SYNPR: variants seen among roughly 807,000 people sequenced by gnomAD.
The protein encoded by SYNPR is synaptoporin.
SYNPR carries 23 observed loss-of-function variants against 32.9 expected under a neutral mutation model. That is an observed-to-expected ratio of 0.70 (90% CI 0.50 to 0.99). The LOEUF (loss-of-function observed/expected upper bound fraction) is 0.99. SYNPR is among the 50% of genes least tolerant of loss of function. The probability of loss-of-function intolerance (pLI) is 0.00; values close to 1 mark genes in which losing one functional copy is unlikely to be tolerated. For synonymous variants in SYNPR, 146 were observed against 135.9 expected (o/e 1.07, Z -0.52); for missense variants, 318 against 349.3 (o/e 0.91, Z 0.71).
At chr3:63,597,148 C>T (rs1847728) in intron 4 of SYNPR, among the ~76,000 whole-genome samples, 27,222 of 151,916 alleles carry the variant, frequency 0.18, 2,650 homozygotes, top group South Asian at 0.33. Context: ...TTACATATGC[C>T]GCTCCTATTT....
chr3:63,346,353 G>A (rs922418064), intron 2 of SYNPR, among the ~76,000 whole-genome samples: 5 of 151,994 alleles, frequency 3.3e-5, no homozygotes, highest in Non-Finnish European at 5.9e-5. Context: ...CACTGTTGAA[G>A]TATGCGCTGT....
At chr3:63,491,926 GT>G (rs898358334) in intron 3 of SYNPR, among the ~76,000 whole-genome samples, 4 of 151,478 alleles carry the variant, frequency 2.6e-5, no homozygotes, top group African/African-American at 9.7e-5. Context: ...GCCCTTTTTT[GT>G]TTTTTTCAAA....
intron 2 of SYNPR, among the ~76,000 whole-genome samples, chr3:63,373,044 GC>G (rs1354495863): frequency 2.0e-5 from 3 of 151,800 alleles, no homozygotes; most frequent in African/African-American, 7.3e-5. Context: ...AAAACCCCCA[GC>G]CCTCTAAAAA....
chr3:63,430,293 A>T (rs1008601167), intron 2 of SYNPR, among the ~76,000 whole-genome samples: 1 of 152,078 alleles, frequency 6.6e-6, no homozygotes, highest in Non-Finnish European at 1.5e-5. Flanking sequence ...ACGTCTTTAC[A>T]TTTTATTTTA....
At chr3:63,282,631 T>C (rs922069228) in intron 2 of SYNPR, among the ~76,000 whole-genome samples, 1 of 149,144 alleles carries the variant, frequency 6.7e-6, no homozygotes, top group Non-Finnish European at 1.5e-5. Context: ...TACAGTGAGC[T>C]GTGGTCACTT....
rs1035262071 is a variant in SYNPR, at chr3:63,278,350, C to CCGGAG, written c.-181_-177dup. The CCGGAG allele has an allele frequency of 7.0e-6, 5 of 714,902 alleles. No individual in the cohort carries two copies. Among genetic ancestry groups the CCGGAG allele is most frequent in the African/African-American group, 5.4e-5 (3 of 55,474 alleles). The allele number at this position is 714,902 out of a possible 1,614,324, so 44.3% of individuals were successfully genotyped here. A position where few individuals can be genotyped will look rare whatever the true frequency, so the allele number is the denominator to read the frequency against. ...TTCGCTTCCCCGACGCGCTGGGTTC[C>CCGGAG]CGGAGCGCAGAGCCCAGCGTTAGCG... On this transcript the variant is annotated 5_prime_UTR_variant, in exon 1 of 6. Coordinates refer to ENST00000478300, the MANE Select transcript of SYNPR (RefSeq NM_001130003.2).
intron 2 of SYNPR, among the ~76,000 whole-genome samples, chr3:63,349,103 C>T (rs2087473602): frequency 6.8e-6 from 1 of 146,984 alleles, no homozygotes. Context: ...ATTTTAACAA[C>T]ATTAATTTTT....
At chr3:63,418,956 G>T (rs78550849) in intron 2 of SYNPR, among the ~76,000 whole-genome samples, 3,532 of 152,310 alleles carry the variant, frequency 0.023, 46 homozygotes, top group African/African-American at 0.026. Flanking sequence ...GTTTAATAGA[G>T]TCTTAATAAT....
At chr3:63,442,165 G>T (rs1370816342) in intron 2 of SYNPR, among the ~76,000 whole-genome samples, 1 of 9,474 alleles carries the variant, frequency 1.1e-4, no homozygotes, top group East Asian at 8.4e-4. Context: ...GGTAGTGATA[G>T]TGTGTGTGTG....
intron 3 of SYNPR, among the ~76,000 whole-genome samples, chr3:63,516,812 C>T (rs182156366): frequency 6.6e-6 from 1 of 152,176 alleles, no homozygotes; most frequent in East Asian, 1.9e-4. Context: ...ATGCATTCGC[C>T]TATCCAAGTG....
intron 4 of SYNPR, among the ~76,000 whole-genome samples, chr3:63,578,782 GA>G (rs1020823578): frequency 7.9e-5 from 12 of 152,098 alleles, no homozygotes; most frequent in Admixed American, 6.6e-4. Flanking sequence ...AGCCATCCAA[GA>G]GCCTGACTTG....
chr3:63,224,276 T>C (rs1322024203), upstream of SYNPR, among the ~76,000 whole-genome samples: 2 of 152,216 alleles, frequency 1.3e-5, no homozygotes, highest in East Asian at 3.9e-4. Flanking sequence ...ATGTGAGAGA[T>C]CTAGGTTGCA....
Position 63,417,310 on chromosome 3 carries a change from G to C in SYNPR, c.85-63522G>C, listed in dbSNP as rs111756583. Among the ~76,000 whole-genome samples the C allele has an allele frequency of 3.6e-4, 55 of 152,374 alleles. 1 individual carries two copies. The highest frequency in any genetic ancestry group is 1.2e-3 in the African/African-American group (51 of 41,590). On this transcript the variant is annotated intron_variant, in intron 2 of 5. Transcript: ENST00000478300. ...TGTCTCACATCCAGGTCACACTGTTGCAAGAGGTGGATTCCTATGGTCTTG... is the reference window on the plus strand; with the variant it reads ...TGTCTCACATCCAGGTCACACTGTTCCAAGAGGTGGATTCCTATGGTCTTG...
chr3:63,475,948 C>A (rs751126720), intron 2 of SYNPR, among the ~76,000 whole-genome samples: 2 of 151,944 alleles, frequency 1.3e-5, no homozygotes, highest in Non-Finnish European at 2.9e-5. Flanking sequence ...AGTGGTCAAG[C>A]AAGGAATACC....
At chr3:63,286,300 G>A (rs2086680606) in intron 2 of SYNPR, among the ~76,000 whole-genome samples, 1 of 118,876 alleles carries the variant, frequency 8.4e-6, no homozygotes, top group African/African-American at 3.2e-5. Flanking sequence ...TCGTAGAGGT[G>A]TGAAGAGATA....
At chr3:63,404,215 C>G (rs74890572) in intron 2 of SYNPR, among the ~76,000 whole-genome samples, 13 of 152,014 alleles carry the variant, frequency 8.6e-5, no homozygotes, top group African/African-American at 2.7e-4. Context: ...ATGGTGATTA[C>G]GTTTTTTGAA....
rs140624535 is a variant in SYNPR, at chr3:63,541,551, C to T, written c.210-14992C>T. On this transcript the variant is annotated intron_variant, in intron 3 of 5. Transcript: ENST00000478300. ...AGTTACATAGATTTAAGATGGAAAT[C>T]TTAACTTAGGGTGAATTTTTTCTTC... 6.0e-3 allele frequency among the ~76,000 whole-genome samples: 906 copies of T among 152,184 alleles called. 11 individuals are homozygous for T. Among genetic ancestry groups the T allele is most frequent in the African/African-American group, 0.02 (847 of 41,530 alleles).
chr3:63,536,339 A>T (rs929824945), intron 3 of SYNPR, among the ~76,000 whole-genome samples: 6 of 152,190 alleles, frequency 3.9e-5, no homozygotes, highest in Admixed American at 2.6e-4. Context: ...GAAGATATAC[A>T]AATAGCCAAA....
In SYNPR at chr3:63,595,750, T is replaced by A. The variant is rs1335575708; in HGVS notation, c.409-13375T>A. Among the ~76,000 whole-genome samples the A allele has an allele frequency of 1.0e-2, 450 of 45,118 alleles. 25 individuals carry two copies. The highest frequency in any genetic ancestry group is 0.023 in the East Asian group (24 of 1,054). 29.6% of individuals were successfully genotyped at this position (45,118 alleles called of 152,430 possible). ...ATATATATATATATATATATATATA[T>A]ATATATATATATATATATAATTTTA... On this transcript the variant is annotated intron_variant, in intron 4 of 5. Transcript: ENST00000478300.
Sources: gnomAD v4.1 joint callset for allele counts (sites outside exome capture counted in the v4.1 genomes callset) on GRCh38, gnomAD v4.1.1 for gene constraint, MANE v1.5 for transcripts, NCBI Gene and HGNC (gene_info 2026-07-23, HGNC 2026-07-21) for gene names.